CREB3L3: variants seen among roughly 807,000 people sequenced by gnomAD.
The protein encoded by CREB3L3 is cAMP responsive element binding protein 3 like 3, also known as cyclic AMP-responsive element-binding protein 3-like protein 3.
Under a neutral mutation model 44.6 loss-of-function variants are expected in CREB3L3, and 40 were observed. The ratio of observed to expected loss-of-function variants is 0.90; its 90% CI spans 0.70 to 1.17. The LOEUF (loss-of-function observed/expected upper bound fraction) is 1.17. Ranked by LOEUF, CREB3L3 falls within the 50% of genes most tolerant of loss-of-function variation. The probability of loss-of-function intolerance (pLI) is 0.00; values close to 1 mark genes in which losing one functional copy is unlikely to be tolerated. For missense variants in CREB3L3, 578 were observed against 595.8 expected, an observed-to-expected ratio of 0.97 and a Z score of 0.31; for synonymous variants, 273 against 256.3, an observed-to-expected ratio of 1.06 and a Z score of -0.62.
At chr19:4,157,641 G>C (rs921892942) in intron 3 of CREB3L3, among the ~76,000 whole-genome samples, 1 of 152,106 alleles carries the variant, frequency 6.6e-6, no homozygotes, top group Non-Finnish European at 1.5e-5. Flanking sequence ...CCTTCTACGT[G>C]TCTGTACCCC....
chr19:4,163,328 AAAAGAAAG>A (rs141964111), intron 4 of CREB3L3, among the ~76,000 whole-genome samples: 14,347 of 135,744 alleles, frequency 0.11, 995 homozygotes, highest in East Asian at 0.31. Flanking sequence ...AAGAAGAAAG[AAAAGAAAG>A]AAAGAAAGAA....
chr19:4,156,762 A>G (rs1416616418), intron 2 of CREB3L3, among the ~76,000 whole-genome samples: 2 of 151,976 alleles, frequency 1.3e-5, no homozygotes, highest in Non-Finnish European at 2.9e-5. Flanking sequence ...TCGGCCTCCC[A>G]AAGTGCTGGG....
At chr19:4,156,187 C>CTT (rs2041573624) in intron 2 of CREB3L3, among the ~76,000 whole-genome samples, 2 of 73,276 alleles carry the variant, frequency 2.7e-5, no homozygotes, top group African/African-American at 7.1e-5. Flanking sequence ...CTTCCTTCCT[C>CTT]TCTCTCTCTC....
chr19:4,171,415 C>T lies in CREB3L3; in HGVS notation c.1008C>T (p.Leu336=), dbSNP rs1967044177. ...TGCTGTCCTTTGCCCTCATCATCCT[C>T]CCCTCCATCAGCCCTTTTGGCCCCA... ...VLLLSFALII[L]PSISPFGPNK... Residue 336 remains leucine, a synonymous_variant, in exon 9 of 10, where the codon CTC becomes CTT. Transcript: ENST00000078445. The surrounding 1 kb of genome is among the most constrained non-coding windows in gnomAD (Gnocchi z 4.9). 1 of 1,614,016 alleles carries T rather than the reference C, an allele frequency of 6.2e-7. No individual in the cohort carries two copies. Among genetic ancestry groups the T allele is most frequent in the African/African-American group, 1.3e-5 (1 of 74,914 alleles).
chr19:4,164,206 C>T (rs750516475), intron 4 of CREB3L3, among the ~76,000 whole-genome samples: 5 of 151,966 alleles, frequency 3.3e-5, no homozygotes, highest in African/African-American at 4.8e-5. Flanking sequence ...AACTCCTGAC[C>T]TAGTGATTTG....
In CREB3L3 at chr19:4,172,044, C is replaced by G; in HGVS notation, c.*75C>G. The G allele has an allele frequency of 7.1e-7, 1 of 1,414,350 alleles. No individual in the cohort carries two copies. The highest frequency in any genetic ancestry group is 9.4e-7 in the Non-Finnish European group (1 of 1,058,614). The allele number at this position is 1,414,350 out of a possible 1,614,324, so 87.6% of individuals were successfully genotyped here. On this transcript the variant is annotated 3_prime_UTR_variant, in exon 10 of 10. Coordinates refer to ENST00000078445, the MANE Select transcript of CREB3L3 (RefSeq NM_032607.3). ...GGATGCTGCACTGGGCAGCTACCCA[C>G]CTGGGGATGGGACGTGAGGCCAAGA...
In CREB3L3 at chr19:4,172,142, C is replaced by G; in HGVS notation, c.*173C>G. ...ACCCAGGGCCTGACTGAGGCCCACG[C>G]AGGAACCGACACTCAGACACAAGGC... is the stretch of plus-strand genomic sequence containing the variant. On this transcript the variant is annotated 3_prime_UTR_variant, in exon 10 of 10. Transcript: ENST00000078445. The G allele has an allele frequency of 1.5e-6, 1 of 684,222 alleles. No individual in the cohort carries two copies. The highest frequency in any genetic ancestry group is 2.4e-6 in the Non-Finnish European group (1 of 414,454). 42.4% of individuals were successfully genotyped at this position (684,222 alleles called of 1,614,324 possible).
Position 4,161,193 on chromosome 19 carries a change from A to T in CREB3L3, c.576+1411A>T, listed in dbSNP as rs545863392. The stretch of plus-strand genomic sequence containing the variant: ...TAGCCAGGATGGTCTCGATCTCCTG[A>T]CCTCGTGATCTGCCCACCTCGGCCT... On this transcript the variant is annotated intron_variant, in intron 4 of 9. Coordinates refer to ENST00000078445, the MANE Select transcript of CREB3L3 (RefSeq NM_032607.3). Among the ~76,000 whole-genome samples, 11 of 152,042 alleles carry T rather than the reference A, an allele frequency of 7.2e-5. No homozygotes were observed. In the South Asian group the frequency reaches 1.2e-3, roughly 17 times the overall value.
chr19:4,171,722 A>C lies in CREB3L3; in HGVS notation c.1139A>C (p.Glu380Ala), dbSNP rs1181109036. Residue 380 changes from glutamate (E) to alanine (A), a missense_variant, in exon 10 of 10, where the codon GAG (glutamate) becomes GCG (alanine). Glu to Ala is a moderately radical substitution (Grantham distance 107). Transcript: ENST00000078445. The surrounding 1 kb of genome is among the most constrained non-coding windows in gnomAD (Gnocchi z 4.9). ...GCTGCTGATGCTGTGCCAGGCTCCG[A>C]GGCCCCAGGACCCCGACCCGAGGCT... Reference protein sequence around the residue: ...RVAADAVPGSEAPGPRPEADT... With the variant: ...RVAADAVPGSAAPGPRPEADT... 1 of 1,613,258 alleles carries C rather than the reference A, an allele frequency of 6.2e-7. No individual in the cohort carries two copies. Among genetic ancestry groups the C allele is most frequent in the East Asian group, 2.2e-5 (1 of 44,864 alleles).
intron 3 of CREB3L3, among the ~76,000 whole-genome samples, chr19:4,157,670 A>T (rs571284299): frequency 2.6e-5 from 4 of 151,268 alleles, no homozygotes; most frequent in Non-Finnish European, 4.4e-5. Flanking sequence ...TTCCTAGTAG[A>T]TTTTTTTTTA....
chr19:4,156,117 CT>C (rs1436165340), intron 2 of CREB3L3, among the ~76,000 whole-genome samples: 26 of 129,408 alleles, frequency 2.0e-4, no homozygotes, highest in Admixed American at 1.5e-3. Context: ...CTCTCTCTCT[CT>C]CCCCCCCTCT....
intron 3 of CREB3L3, 86 bp downstream of exon 3, chr19:4,157,381 C>G: frequency 6.8e-7 from 1 of 1,469,970 alleles, no homozygotes; most frequent in Non-Finnish European, 9.5e-7. Flanking sequence ...CCAGAGAGGG[C>G]TGGCATCTTG....
chr19:4,156,810 G>A (rs1032066500), intron 2 of CREB3L3, among the ~76,000 whole-genome samples, 185 bp from the exon 3 acceptor site: 4 of 151,982 alleles, frequency 2.6e-5, no homozygotes, highest in African/African-American at 9.7e-5. Context: ...CACTGGCTGG[G>A]ATTTTTATGC....
chr19:4,157,925 T>G (rs780429741), intron 3 of CREB3L3, among the ~76,000 whole-genome samples: 3 of 151,930 alleles, frequency 2.0e-5, no homozygotes, highest in Non-Finnish European at 4.4e-5. Flanking sequence ...GCTCAGGTGA[T>G]CTGCCCACCT....
At chr19:4,167,932 C>T (rs1488659640) in intron 5 of CREB3L3, among the ~76,000 whole-genome samples, 1 of 151,640 alleles carries the variant, frequency 6.6e-6, no homozygotes, top group Non-Finnish European at 1.5e-5. Context: ...GACTGTCGCA[C>T]CATCCCCAAA....
rs142789769 is a variant in CREB3L3 at position 4,171,742 on chromosome 19, G to A, written c.1159G>A (p.Glu387Lys). ...PGSEAPGPRP[E>K]ADTTREESPG... ...CTCCGAGGCCCCAGGACCCCGACCC[G>A]AGGCTGACACAACCCGAGAAGAGTC... The change falls in exon 10 of 10, where the codon GAG becomes AAG. Residue 387 changes from glutamate to lysine, a missense_variant. By Grantham distance (56) the Glu-to-Lys change is moderately conservative. Coordinates refer to ENST00000078445, the MANE Select transcript of CREB3L3 (RefSeq NM_032607.3). The surrounding 1 kb of genome is among the most constrained non-coding windows in gnomAD (Gnocchi z 4.9). 1.6e-4 allele frequency: 251 copies of A among 1,613,290 alleles called. No individual in the cohort carries two copies. In the African/African-American group the frequency reaches 3.0e-3, roughly 20 times the overall value.
intron 3 of CREB3L3, 49 bp from the exon 4 acceptor site, chr19:4,159,614 TC>T (rs1364430177): frequency 3.5e-6 from 3 of 854,756 alleles, no homozygotes; most frequent in Non-Finnish European, 6.2e-6. Flanking sequence ...AGCTCAGGAC[TC>T]CCCCCGTCTG....
In CREB3L3 at chr19:4,154,995, C is replaced by T. The variant is rs1204578174; in HGVS notation, c.124C>T (p.Leu42=). 67 of 1,611,432 alleles carry T rather than the reference C, an allele frequency of 4.2e-5. No individual in the cohort carries two copies. The highest frequency in any genetic ancestry group is 5.2e-5 in the Non-Finnish European group (61 of 1,180,012). ...RQDGILRHVE[L]GEGWGHVKDQ... is the part of the protein sequence containing the mutation. ...GGACGGCATCCTGAGACACGTGGAG[C>T]TGGGCGAGGGCTGGGGTCACGTCAA... Residue 42 remains leucine (L), a synonymous_variant, in exon 2 of 10, where the codon CTG becomes TTG. Transcript: ENST00000078445.
rs375548944 is a variant in CREB3L3 at position 4,157,210 on chromosome 19, C to T, written c.372C>T (p.Leu124=). The T allele has an allele frequency of 1.2e-6, 2 of 1,614,108 alleles. No homozygotes were observed. The highest frequency in any genetic ancestry group is 1.1e-5 in the South Asian group (1 of 91,076). Residue 124 remains leucine, a synonymous_variant, in exon 3 of 10, where the codon CTC becomes CTT. Transcript: ENST00000078445. The part of the protein sequence containing the change: ...HPAQPGKGPC[L]SYHPGNSCST... ...CCCAGCCTGGCAAGGGGCCCTGCCT[C>T]TCCTATCATCCTGGCAACTCTTGCT... is the stretch of plus-strand genomic sequence containing the variant.
Sources: gnomAD v4.1 joint callset for allele counts (sites outside exome capture counted in the v4.1 genomes callset) on GRCh38, gnomAD v4.1.1 for gene constraint, Gnocchi (gnomAD v3.1) non-coding constraint, MANE v1.5 for transcripts, NCBI Gene and HGNC (gene_info 2026-07-23, HGNC 2026-07-21) for gene names.